Variants in TENM2 observed in about 807,000 individuals in gnomAD.
TENM2 encodes teneurin-2.
TENM2 carries 52 observed loss-of-function variants against 245.2 expected under a neutral mutation model. The observed-to-expected ratio is 0.21, with a 90% CI of 0.17 to 0.27. TENM2 has a LOEUF of 0.27. Among genes scored for constraint, TENM2 ranks in the 10% least tolerant of loss-of-function variants. TENM2 has a pLI of 1.00. For synonymous variants in TENM2, 1,363 were observed against 1,438.9 expected (o/e 0.95, Z 1.19); for missense variants, 3,046 against 3,666.8 (o/e 0.83, Z 4.37).
At chr5:167,882,166 G>A (rs1208562179) in intron 3 of TENM2, among the ~76,000 whole-genome samples, 3 of 152,108 alleles carry the variant, frequency 2.0e-5, no homozygotes, top group Non-Finnish European at 4.4e-5. Flanking sequence ...TGTATTAAAG[G>A]GCATGGGTTA....
At chr5:167,039,523 G>A in the TENM2 span, among the ~76,000 whole-genome samples, 1 of 152,114 alleles carries the variant, frequency 6.6e-6, no homozygotes, top group African/African-American at 2.4e-5. Flanking sequence ...TTGTTCACCT[G>A]AGGCCAATGT....
At chr5:167,105,991 G>A in the TENM2 span, among the ~76,000 whole-genome samples, 1 of 142,640 alleles carries the variant, frequency 7.0e-6, no homozygotes, top group African/African-American at 2.7e-5. Flanking sequence ...ATTATAATAT[G>A]AATGAAAAAT....
chr5:167,103,542 T>C, the TENM2 span, among the ~76,000 whole-genome samples: 1 of 152,236 alleles, frequency 6.6e-6, no homozygotes, highest in Non-Finnish European at 1.5e-5. Flanking sequence ...CACATCTGAA[T>C]TATCGCTAGA....
intron 2 of TENM2, among the ~76,000 whole-genome samples, chr5:167,846,558 T>A (rs1770058348): frequency 6.6e-6 from 1 of 152,182 alleles, no homozygotes; most frequent in Admixed American, 6.5e-5. Context: ...GTTGTTTCTG[T>A]GATGCCAAGA....
chr5:167,801,109 A>AAAATATATATAT (rs1444227809), intron 2 of TENM2, among the ~76,000 whole-genome samples: 2 of 66,554 alleles, frequency 3.0e-5, no homozygotes, highest in African/African-American at 6.3e-5. Flanking sequence ...AAAAAAAAAA[A>AAAATATATATAT]ATATATATAT....
At chr5:167,248,646 C>T in the TENM2 span, among the ~76,000 whole-genome samples, 4 of 151,874 alleles carry the variant, frequency 2.6e-5, no homozygotes, top group East Asian at 3.9e-4. Context: ...GTGTTGGTGG[C>T]GGGGTGGCAA....
At chr5:167,598,785 T>C (rs1776396198) in intron 2 of TENM2, among the ~76,000 whole-genome samples, 1 of 152,044 alleles carries the variant, frequency 6.6e-6, no homozygotes. Flanking sequence ...TGAGTAATAA[T>C]GTAAATGTTG....
the TENM2 span, among the ~76,000 whole-genome samples, chr5:167,047,115 T>C: frequency 5.3e-5 from 8 of 152,248 alleles, no homozygotes; most frequent in Non-Finnish European, 1.2e-4. Context: ...TGTTTTTATT[T>C]ATGTATGCTT....
At chr5:167,711,799 GTC>G (rs1758930330) in intron 2 of TENM2, among the ~76,000 whole-genome samples, 2 of 152,090 alleles carry the variant, frequency 1.3e-5, no homozygotes, top group South Asian at 4.2e-4. Flanking sequence ...GCAAGTTGAG[GTC>G]TCTCTACATG....
intron 3 of TENM2, among the ~76,000 whole-genome samples, chr5:167,914,589 T>C (rs11134480): frequency 0.17 from 25,837 of 152,148 alleles, 2,872 homozygotes; most frequent in African/African-American, 0.31. Flanking sequence ...TATTCATTTC[T>C]CAGGTCTGCA....
intron 2 of TENM2, among the ~76,000 whole-genome samples, chr5:167,491,604 C>T (rs1768431341): frequency 6.6e-6 from 1 of 152,106 alleles, no homozygotes; most frequent in Admixed American, 6.6e-5. Context: ...CCGCTGTTAC[C>T]CAATGAACTA....
At chr5:168,183,858 CA>C (rs1271188682) in intron 13 of TENM2, among the ~76,000 whole-genome samples, 13 of 151,142 alleles carry the variant, frequency 8.6e-5, no homozygotes, top group African/African-American at 3.2e-4. Flanking sequence ...AAAAAAAAAA[CA>C]TAGAAATGAC....
chr5:167,616,665 GAGA>G lies in TENM2; in HGVS notation c.502+241195_502+241197del, dbSNP rs140968447. On this transcript the variant is annotated intron_variant, in intron 2 of 28. Coordinates refer to ENST00000518659, the Ensembl canonical transcript of TENM2. ...AGAAATAAGGGAAGGGAGGAAGAGAGAGAAGGAGAGAGGGAGGGGATGGTGGGC... is the reference window on the plus strand; with the variant it reads ...AGAAATAAGGGAAGGGAGGAAGAGAGAGGAGAGAGGGAGGGGATGGTGGGC... Among the ~76,000 whole-genome samples the G allele has an allele frequency of 6.6e-3, 1,010 of 152,194 alleles. 12 individuals are homozygous for G. Among genetic ancestry groups the G allele is most frequent in the African/African-American group, 0.023 (961 of 41,542 alleles).
intron 23 of TENM2, among the ~76,000 whole-genome samples, chr5:168,223,449 A>G (rs1763845982): frequency 6.6e-6 from 1 of 151,534 alleles, no homozygotes; most frequent in Non-Finnish European, 1.5e-5. Context: ...TAAACATGAA[A>G]GTATTGATTA....
intron 5 of TENM2, among the ~76,000 whole-genome samples, chr5:168,032,237 T>C (rs1488864340): frequency 6.6e-6 from 1 of 152,236 alleles, no homozygotes; most frequent in Non-Finnish European, 1.5e-5. Context: ...GGGAATTTCA[T>C]GTCTAAATAT....
chr5:166,981,462 AC>A, the TENM2 span, among the ~76,000 whole-genome samples: 2 of 152,148 alleles, frequency 1.3e-5, no homozygotes, highest in African/African-American at 4.8e-5. Flanking sequence ...AATCCTAAGA[AC>A]CCAAGGTACC....
intron 2 of TENM2, among the ~76,000 whole-genome samples, chr5:167,435,756 C>G (rs2127450675): frequency 6.6e-6 from 1 of 152,054 alleles, no homozygotes; most frequent in Non-Finnish European, 1.5e-5. Flanking sequence ...ATGGCTTTGA[C>G]CAAAATGCTG....
chr5:167,355,481 T>A (rs1759252533), intron 1 of TENM2, among the ~76,000 whole-genome samples: 1 of 152,186 alleles, frequency 6.6e-6, no homozygotes, highest in East Asian at 1.9e-4. Context: ...CTGCTGCTGA[T>A]CCCTAAATAA....
At chr5:168,197,444 T>TA (rs1761536430) in intron 15 of TENM2, among the ~76,000 whole-genome samples, 1 of 152,166 alleles carries the variant, frequency 6.6e-6, no homozygotes, top group Non-Finnish European at 1.5e-5. Context: ...CTCACATCTG[T>TA]AATCCCAGCA....
Sources: allele counts gnomAD v4.1 joint callset (sites outside exome capture counted in the v4.1 genomes callset), GRCh38; gene constraint gnomAD v4.1.1; transcripts MANE v1.5; gene names NCBI Gene and HGNC (gene_info 2026-07-23, HGNC 2026-07-21).